The following CDK12 variants were observed in gnomAD, a reference collection of about 807,000 sequenced individuals.
CDK12 encodes the protein cyclin dependent kinase 12, also known as cyclin-dependent kinase 12.
A neutral mutation model predicts 133.8 loss-of-function variants in CDK12; 17 were observed. That is an observed-to-expected ratio of 0.13 (90% CI 0.09 to 0.19). CDK12 has a LOEUF of 0.19. CDK12 is among the 10% of genes least tolerant of loss of function. CDK12 has a pLI of 1.00. For synonymous variants in CDK12, 694 were observed against 683.6 expected (o/e 1.02, Z -0.24); for missense variants, 1,508 against 1,818.7 (o/e 0.83, Z 3.11).
At chr17:39,491,520 G>A (rs1383100198) in intron 3 of CDK12, among the ~76,000 whole-genome samples, 1 of 152,038 alleles carries the variant, frequency 6.6e-6, no homozygotes, top group Non-Finnish European at 1.5e-5. Context: ...ACAGGCGTGA[G>A]CCACCGCGTC....
At chr17:39,514,268 A>G (rs1374764772) in intron 8 of CDK12, among the ~76,000 whole-genome samples, 3 of 152,204 alleles carry the variant, frequency 2.0e-5, no homozygotes, top group Admixed American at 2.0e-4. Context: ...TTGTCTTTGA[A>G]GTTGTTTTAA....
Position 39,554,872 on chromosome 17 carries a change from C to T in CDK12, n.357-1414C>T, listed in dbSNP as rs145783863. 1.7e-3 allele frequency among the ~76,000 whole-genome samples: 205 copies of T among 122,362 alleles called. 1 individual carries two copies. The Middle Eastern group carries it at 0.042, about 25-fold the overall frequency. The allele number at this position is 122,362 out of a possible 152,430, so 80.3% of individuals were successfully genotyped here. Reference sequence around the variant, plus strand: ...CTGCGCTCCAGCCTTCCAGCCTGGGCAACAGAGCGAGACTCCGTCTCAAAA... The same window carrying T: ...CTGCGCTCCAGCCTTCCAGCCTGGGTAACAGAGCGAGACTCCGTCTCAAAA... On this transcript the variant is annotated intron_variant and non_coding_transcript_variant, in intron 2 of 3. Coordinates refer to the CDK12 transcript ENST00000558240.
At position 39,501,222 on chromosome 17, in the gene CDK12, C is replaced by G. The variant is rs551679921; in HGVS notation, c.2420-28C>G. On this transcript the variant is annotated intron_variant, in intron 5 of 13. Coordinates refer to ENST00000447079, the MANE Select transcript of CDK12 (RefSeq NM_016507.4). ...TTTCAGCATTCTTTTTTTTTTCTTG[C>G]TTTTAATTTTTTTTCGTCTTTATGT... 7.1e-6 allele frequency: 10 copies of G among 1,414,104 alleles called. No individual in the cohort carries two copies. The South Asian group carries it at 9.2e-5, about 13-fold the overall frequency. 87.6% of individuals were successfully genotyped at this position (1,414,104 alleles called of 1,614,324 possible).
At chr17:39,500,382 C>T (rs907253107) in intron 5 of CDK12, among the ~76,000 whole-genome samples, 5 of 151,818 alleles carry the variant, frequency 3.3e-5, no homozygotes, top group Admixed American at 3.3e-4. Context: ...CCTGTAATCC[C>T]AACACTTTGG....
downstream of CDK12, among the ~76,000 whole-genome samples, chr17:39,538,552 T>G (rs1347752382): frequency 6.6e-6 from 1 of 152,204 alleles, no homozygotes; most frequent in Non-Finnish European, 1.5e-5. Flanking sequence ...AGTGCTTTGT[T>G]TTTATCTTGA....
intron 2 of CDK12, among the ~76,000 whole-genome samples, chr17:39,486,016 G>A (rs528430069): frequency 3.3e-5 from 5 of 150,244 alleles, no homozygotes; most frequent in African/African-American, 1.2e-4. Context: ...GCAGTGGGGT[G>A]ATCTTGGCTC....
rs1281679404 is a variant in CDK12 at position 39,462,095 on chromosome 17, G to C, written c.24G>C (p.Gly8=). The change falls in exon 1 of 14, where the codon GGG becomes GGC. Residue 8 remains glycine (G), a synonymous_variant. Transcript: ENST00000447079. The part of the protein sequence containing the change: MPNSERH[G]GKKDGSGGAS... ...GAATGCCCAATTCAGAGAGACATGG[G>C]GGCAAGAAGGACGGGAGTGGAGGAG... is the stretch of plus-strand genomic sequence containing the variant. 3 of 1,613,930 alleles carry C rather than the reference G, an allele frequency of 1.9e-6. No homozygotes were observed. Among genetic ancestry groups the C allele is most frequent in the Non-Finnish European group, 2.5e-6 (3 of 1,179,946 alleles).
intron 2 of CDK12, among the ~76,000 whole-genome samples, chr17:39,477,963 C>T (rs2050349220): frequency 6.6e-6 from 1 of 152,026 alleles, no homozygotes. Flanking sequence ...GCCTCGGCCT[C>T]CCAAAGTGCT....
chr17:39,491,375 T>G (rs1419567777), intron 3 of CDK12, among the ~76,000 whole-genome samples: 1 of 152,050 alleles, frequency 6.6e-6, no homozygotes, highest in Non-Finnish European at 1.5e-5. Flanking sequence ...TAGCTGGGAT[T>G]ACAGGCACGT....
chr17:39,472,080 T>C (rs999727854), intron 2 of CDK12, among the ~76,000 whole-genome samples: 2 of 151,870 alleles, frequency 1.3e-5, no homozygotes, highest in African/African-American at 4.8e-5. Context: ...GCCTCACAGG[T>C]TCAAGCGATT....
At chr17:39,512,827 T>G (rs2053577686) in intron 8 of CDK12, among the ~76,000 whole-genome samples, 1 of 152,228 alleles carries the variant, frequency 6.6e-6, no homozygotes, top group African/African-American at 2.4e-5. Context: ...ATGAAGTAGT[T>G]TCCTAGTATC....
In CDK12 at chr17:39,533,428, G is replaced by C. The variant is rs2054979511; in HGVS notation, c.*2112G>C. Reference sequence around the variant, plus strand: ...TAGAATATTTGAATTTGAGTTATTGGGCCCCACTCCCTGTTTTTTATTAAA... The same window carrying C: ...TAGAATATTTGAATTTGAGTTATTGCGCCCCACTCCCTGTTTTTTATTAAA... On this transcript the variant is annotated 3_prime_UTR_variant, in exon 14 of 14. Transcript: ENST00000447079. The C allele has an allele frequency of 4.3e-6, 1 of 232,976 alleles. No individual in the cohort carries two copies. Among genetic ancestry groups the C allele is most frequent in the South Asian group, 1.8e-4 (1 of 5,514 alleles). The allele number at this position is 232,976 out of a possible 1,614,324, so 14.4% of individuals were successfully genotyped here.
chr17:39,550,539 G>T (rs984569009), intron 1 of CDK12: 1 of 152,270 alleles, frequency 6.6e-6, no homozygotes, highest in Non-Finnish European at 1.5e-5. Context: ...GAGCTTTGAG[G>T]TCCTTGTAGA....
intron 6 of CDK12, among the ~76,000 whole-genome samples, chr17:39,501,673 C>G (rs1052752613): frequency 6.6e-6 from 1 of 152,114 alleles, no homozygotes; most frequent in African/African-American, 2.4e-5. Context: ...GGTGATTGGC[C>G]TTTTCTGCCT....
chr17:39,481,639 T>TCTCTCTCTCC (rs2050679928), intron 2 of CDK12, among the ~76,000 whole-genome samples: 2 of 7,418 alleles, frequency 2.7e-4, no homozygotes, highest in Non-Finnish European at 7.7e-4. Flanking sequence ...GCGCGCTCTC[T>TCTCTCTCTCC]CTCTCTCTCT....
chr17:39,467,571 A>G (rs1464156723), intron 1 of CDK12, among the ~76,000 whole-genome samples: 1 of 152,202 alleles, frequency 6.6e-6, no homozygotes, highest in African/African-American at 2.4e-5. Flanking sequence ...ATCTGTTAAC[A>G]GTAGGCTTCT....
chr17:39,542,517 CT>C (rs1296214870), intron 1 of CDK12, among the ~76,000 whole-genome samples: 1 of 142,374 alleles, frequency 7.0e-6, no homozygotes. Flanking sequence ...TTTTTCTTTT[CT>C]TTTTTTTTGA....
At chr17:39,561,985 G>A (rs536875021) in intron 3 of CDK12, among the ~76,000 whole-genome samples, 23 of 152,224 alleles carry the variant, frequency 1.5e-4, no homozygotes, top group South Asian at 4.2e-4. Context: ...TGTCACCCAG[G>A]CTGGAGTGCA....
rs1329241686 is a variant in CDK12, at chr17:39,497,098, A to C, written c.2419+2404A>C. ...CAGGCGCACGCCACCACGGCCGGCTAATTTTTGTATCTTTATCAGAGACAG... is the reference window on the plus strand; with the variant it reads ...CAGGCGCACGCCACCACGGCCGGCTCATTTTTGTATCTTTATCAGAGACAG... On this transcript the variant is annotated intron_variant, in intron 5 of 13. Transcript: ENST00000447079. Among the ~76,000 whole-genome samples, 3 of 152,014 alleles carry C rather than the reference A, an allele frequency of 2.0e-5. No individual in the cohort carries two copies. The East Asian group carries it at 5.8e-4, about 30-fold the overall frequency.
Sources: gnomAD v4.1 joint callset for allele counts (sites outside exome capture counted in the v4.1 genomes callset) on GRCh38, gnomAD v4.1.1 for gene constraint, MANE v1.5 for transcripts, NCBI Gene and HGNC (gene_info 2026-07-23, HGNC 2026-07-21) for gene names.